The following MIGA1 variants were observed in gnomAD, a reference collection of about 807,000 sequenced individuals.
MIGA1 encodes the protein family with sequence similarity 73, member A.
In MIGA1, 58 loss-of-function variants were observed where a neutral mutation model predicts 82.0. That is an observed-to-expected ratio of 0.71 (90% CI 0.57 to 0.88). The LOEUF is 0.88. Among genes scored for constraint, MIGA1 ranks in the 40% least tolerant of loss-of-function variants. MIGA1 has a pLI of 0.00. For missense variants in MIGA1, 751 were observed against 749.1 expected (o/e 1.00, Z -0.03); for synonymous variants, 249 against 253.6 (o/e 0.98, Z 0.17).
At chr1:77,846,903 C>T (rs1008788439) in intron 8 of MIGA1, among the ~76,000 whole-genome samples, 13 of 151,872 alleles carry the variant, frequency 8.6e-5, no homozygotes, top group Non-Finnish European at 1.6e-4. Flanking sequence ...ACTGAGATTG[C>T]GCCACTGCAC....
chr1:77,844,113 A>ATATAT (rs1553223128), intron 8 of MIGA1, among the ~76,000 whole-genome samples: 96 of 89,962 alleles, frequency 1.1e-3, no homozygotes, highest in Non-Finnish European at 1.5e-3. Flanking sequence ...AAAAAAAAAA[A>ATATAT]ATATATATAT....
intron 6 of MIGA1, 53 bp downstream of exon 6, chr1:77,813,920 T>G (rs1484436664): frequency 1.3e-6 from 2 of 1,591,198 alleles, no homozygotes. Flanking sequence ...ATCAAACTTT[T>G]TTTTTGTTTT....
intron 2 of MIGA1, among the ~76,000 whole-genome samples, chr1:77,786,932 C>T (rs1441838591): frequency 6.6e-6 from 1 of 152,142 alleles, no homozygotes. Flanking sequence ...TGTATTAGTC[C>T]ATTTTCATGC....
At chr1:77,820,562 G>A (rs761777868) in intron 7 of MIGA1, among the ~76,000 whole-genome samples, 4 of 152,018 alleles carry the variant, frequency 2.6e-5, no homozygotes, top group Non-Finnish European at 4.4e-5. Flanking sequence ...AACTTCTCTA[G>A]GACACTCAGG....
intron 2 of MIGA1, among the ~76,000 whole-genome samples, chr1:77,799,282 T>G (rs1299109501): frequency 6.6e-6 from 1 of 152,190 alleles, no homozygotes; most frequent in African/African-American, 2.4e-5. Context: ...TTCAATAAAT[T>G]ACTTGAGACA....
chr1:77,858,523 A>G (rs1351617152), intron 8 of MIGA1, among the ~76,000 whole-genome samples: 1 of 152,214 alleles, frequency 6.6e-6, no homozygotes, highest in African/African-American at 2.4e-5. Context: ...GGTTTAATCA[A>G]ATTTATTGTA....
chr1:77,801,373 G>T lies in MIGA1; in HGVS notation c.238G>T (p.Ala80Ser). 1 of 1,587,522 alleles carries T rather than the reference G, an allele frequency of 6.3e-7. No individual in the cohort carries two copies. Among genetic ancestry groups the T allele is most frequent in the Non-Finnish European group, 8.5e-7 (1 of 1,173,316 alleles). ...GGCTAAAAAGTTGTTTGTGGTAACT[G>T]CAGTGAGTGCTATATCTGTAATTTT... The change falls in exon 3 of 16, where the codon GCA becomes TCA. Residue 80 changes from alanine (A) to serine (S), a missense_variant. Ala to Ser is a moderately conservative substitution (Grantham distance 99). Transcript: ENST00000370791.
At chr1:77,862,810 G>A (rs186361290) in intron 12 of MIGA1, among the ~76,000 whole-genome samples, 1 of 151,852 alleles carries the variant, frequency 6.6e-6, no homozygotes, top group Non-Finnish European at 1.5e-5. Context: ...GCATGGTGGT[G>A]CATGCCTGTA....
At position 77,815,108 on chromosome 1, in the gene MIGA1, G is replaced by T; in HGVS notation, c.772G>T (p.Asp258Tyr). The change falls in exon 7 of 16, where the codon GAT (aspartate) becomes TAT (tyrosine). Residue 258 changes from aspartate (D) to tyrosine (Y), a missense_variant and splice_region_variant. Transcript: ENST00000370791. Reference sequence around the variant, plus strand: ...CTGTGTACTTTTTCTCTCCTTGTAGGATATTATTAGTACTGAATTTATCCA... The same window carrying T: ...CTGTGTACTTTTTCTCTCCTTGTAGTATATTATTAGTACTGAATTTATCCA... The T allele has an allele frequency of 1.3e-6, 2 of 1,550,870 alleles. No individual in the cohort carries two copies. Among genetic ancestry groups the T allele is most frequent in the South Asian group, 1.2e-5 (1 of 80,624 alleles).
At chr1:77,837,350 T>G (rs1684471212) in intron 7 of MIGA1, among the ~76,000 whole-genome samples, 1 of 152,204 alleles carries the variant, frequency 6.6e-6, no homozygotes, top group East Asian at 1.9e-4. Flanking sequence ...TAGACACATG[T>G]AACTAGGAGC....
intron 7 of MIGA1, among the ~76,000 whole-genome samples, chr1:77,841,582 C>G (rs1350906874): frequency 1.3e-5 from 2 of 150,470 alleles, no homozygotes; most frequent in African/African-American, 2.4e-5. Flanking sequence ...AAAAAAAAAC[C>G]CATACTTCCT....
chr1:77,860,214 TAGA>T, intron 11 of MIGA1, 88 bp downstream of exon 11: 1 of 907,448 alleles, frequency 1.1e-6, no homozygotes, highest in Non-Finnish European at 1.7e-6. Context: ...AAATTTTTGA[TAGA>T]AGAAAAATTT....
rs181536766 is a variant in MIGA1, at chr1:77,823,822, C to T, written c.895+8591C>T. 2.9e-3 allele frequency among the ~76,000 whole-genome samples: 439 copies of T among 152,304 alleles called. 2 individuals are homozygous for T. The highest frequency in any genetic ancestry group is 9.7e-3 in the African/African-American group (403 of 41,566). ...AGTTCTTTAAAGAATCACTTAGTTT[C>T]AAAGCTGGTGGGCCTGTTGAATTCT... On this transcript the variant is annotated intron_variant, in intron 7 of 15. Coordinates refer to ENST00000370791, the MANE Select transcript of MIGA1 (RefSeq NM_198549.4).
chr1:77,862,918 G>A (rs1432179592), intron 12 of MIGA1, among the ~76,000 whole-genome samples: 3 of 151,426 alleles, frequency 2.0e-5, no homozygotes, highest in Non-Finnish European at 4.4e-5. Context: ...TCCAGCCTGG[G>A]TGACAGAGCA....
intron 5 of MIGA1, among the ~76,000 whole-genome samples, chr1:77,809,874 G>A (rs1683252644): frequency 6.8e-6 from 1 of 147,238 alleles, no homozygotes. Flanking sequence ...TATCTAAATA[G>A]GAAATAAATG....
intron 3 of MIGA1, 102 bp from the exon 4 acceptor site, chr1:77,803,168 T>C (rs1682954441): frequency 3.3e-6 from 2 of 612,656 alleles, no homozygotes; most frequent in Non-Finnish European, 4.9e-6. Context: ...GTTTTAAAAT[T>C]AGAAGCTTTC....
intron 7 of MIGA1, among the ~76,000 whole-genome samples, chr1:77,832,064 T>C (rs1684264223): frequency 6.6e-6 from 1 of 152,202 alleles, no homozygotes; most frequent in Non-Finnish European, 1.5e-5. Flanking sequence ...GTAGTATATA[T>C]GTACAGTAGT....
chr1:77,854,851 C>T (rs1685185133), intron 8 of MIGA1, among the ~76,000 whole-genome samples: 1 of 152,154 alleles, frequency 6.6e-6, no homozygotes, highest in African/African-American at 2.4e-5. Flanking sequence ...GGGTTGTCTA[C>T]TTACTCTGTC....
At chr1:77,796,562 A>G (rs1323141451) in intron 2 of MIGA1, among the ~76,000 whole-genome samples, 2 of 152,136 alleles carry the variant, frequency 1.3e-5, no homozygotes, top group Non-Finnish European at 2.9e-5. Context: ...AGCTGAGACT[A>G]CAGGCAGGTA....
Sources: allele counts gnomAD v4.1 joint callset (sites outside exome capture counted in the v4.1 genomes callset), GRCh38; gene constraint gnomAD v4.1.1; transcripts MANE v1.5; gene names NCBI Gene and HGNC (gene_info 2026-07-23, HGNC 2026-07-21).